KIAA1328: variants seen among roughly 807,000 people sequenced by gnomAD.
KIAA1328 encodes the protein protein hinderin.
Under a neutral mutation model 68.1 loss-of-function variants are expected in KIAA1328, and 52 were observed. That is an observed-to-expected ratio of 0.76 (90% CI 0.61 to 0.96). The LOEUF (loss-of-function observed/expected upper bound fraction) is 0.96. Ranked by LOEUF, KIAA1328 falls within the 40% of genes least tolerant of loss-of-function variation. The pLI, the probability that KIAA1328 is intolerant of heterozygous loss-of-function variation, is 0.00. For missense variants in KIAA1328, 641 were observed against 677.6 expected (o/e 0.95, Z 0.60); for synonymous variants, 232 against 239.4 (o/e 0.97, Z 0.28).
intron 7 of KIAA1328, among the ~76,000 whole-genome samples, chr18:37,089,371 C>CTTTGTTTTTTTTTTTTTTTTTT (rs2057200648): frequency 1.0e-5 from 1 of 95,300 alleles, no homozygotes; most frequent in Non-Finnish European, 2.0e-5. Flanking sequence ...AAGGTAGTGG[C>CTTTGTTTTTTTTTTTTTTTTTT]TTTTTTTTTT....
chr18:37,004,506 A>G (rs1335837873), intron 6 of KIAA1328, among the ~76,000 whole-genome samples: 1 of 152,140 alleles, frequency 6.6e-6, no homozygotes, highest in South Asian at 2.1e-4. Context: ...ATATGAAAAA[A>G]TGTTCAACAT....
intron 4 of KIAA1328, among the ~76,000 whole-genome samples, chr18:36,870,028 G>A (rs574817433): frequency 6.7e-6 from 1 of 149,938 alleles, no homozygotes; most frequent in Admixed American, 6.6e-5. Flanking sequence ...ACGTCCAGCT[G>A]ATTTTTGTAT....
intron 7 of KIAA1328, among the ~76,000 whole-genome samples, chr18:37,078,016 G>T (rs181918293): frequency 2.0e-5 from 3 of 152,114 alleles, no homozygotes; most frequent in Non-Finnish European, 4.4e-5. Context: ...AGCCCACATT[G>T]CCAAGTCAGT....
chr18:37,189,157 G>A (rs781254171), intron 9 of KIAA1328, among the ~76,000 whole-genome samples: 3 of 152,142 alleles, frequency 2.0e-5, no homozygotes, highest in Non-Finnish European at 2.9e-5. Flanking sequence ...TGGTTACTAG[G>A]ACTGTTTCAT....
At chr18:37,028,538 CT>C (rs2054690047) in intron 6 of KIAA1328, among the ~76,000 whole-genome samples, 1 of 150,850 alleles carries the variant, frequency 6.6e-6, no homozygotes, top group African/African-American at 2.4e-5. Context: ...CCTGATTGCT[CT>C]GGCTAGTGCT....
intron 7 of KIAA1328, among the ~76,000 whole-genome samples, chr18:37,149,906 C>T (rs560844291): frequency 1.1e-4 from 17 of 152,030 alleles, no homozygotes; most frequent in African/African-American, 4.1e-4. Context: ...AAAAAATTAC[C>T]AATATCAGGA....
At chr18:37,102,180 G>A (rs569632470) in intron 7 of KIAA1328, among the ~76,000 whole-genome samples, 46 of 152,274 alleles carry the variant, frequency 3.0e-4, no homozygotes, top group African/African-American at 9.6e-4. Context: ...TTTATGCCAG[G>A]AATGCAAAGA....
intron 5 of KIAA1328, among the ~76,000 whole-genome samples, chr18:36,949,437 C>A (rs760412699): frequency 6.6e-6 from 1 of 152,076 alleles, no homozygotes; most frequent in Non-Finnish European, 1.5e-5. Flanking sequence ...TTTAGGGTGT[C>A]TGGATTTAAA....
chr18:37,115,378 G>T (rs1322466397), intron 7 of KIAA1328, among the ~76,000 whole-genome samples: 2 of 150,952 alleles, frequency 1.3e-5, no homozygotes. Flanking sequence ...ATCAATAAAC[G>T]TAATCCATCA....
chr18:37,081,922 A>G (rs550003837), intron 7 of KIAA1328, among the ~76,000 whole-genome samples: 1 of 152,276 alleles, frequency 6.6e-6, no homozygotes, highest in East Asian at 1.9e-4. Context: ...GTTATTGAAT[A>G]TGTCCAAAAT....
Position 37,222,259 on chromosome 18 carries a change from G to T in KIAA1328, c.*32G>T, listed in dbSNP as rs1053707024. On this transcript the variant is annotated 3_prime_UTR_variant, in exon 10 of 10. Coordinates refer to ENST00000280020, the MANE Select transcript of KIAA1328 (RefSeq NM_020776.3). ...GCAAAATTTTCTTAGGAAATTTGTG[G>T]GTTTCCTCACATACTGATCTAGGAT... 7.1e-6 allele frequency: 11 copies of T among 1,550,304 alleles called. No individual in the cohort carries two copies. In the Admixed American group the frequency reaches 2.2e-4, roughly 30 times the overall value.
intron 6 of KIAA1328, among the ~76,000 whole-genome samples, chr18:37,040,078 T>C (rs1173822972): frequency 6.6e-6 from 1 of 152,174 alleles, no homozygotes; most frequent in African/African-American, 2.4e-5. Context: ...AAATCCTTCT[T>C]ATGCTTCAAA....
intron 4 of KIAA1328, among the ~76,000 whole-genome samples, chr18:36,876,205 CT>C (rs1274393104): frequency 2.0e-5 from 3 of 152,106 alleles, no homozygotes; most frequent in Non-Finnish European, 4.4e-5. Flanking sequence ...AGGAGTCCCT[CT>C]TTTTCTATTG....
At chr18:37,112,547 G>A (rs2057964519) in intron 7 of KIAA1328, among the ~76,000 whole-genome samples, 1 of 152,110 alleles carries the variant, frequency 6.6e-6, no homozygotes. Context: ...ACAAAGATGG[G>A]GAGAAACCAG....
In KIAA1328 at chr18:36,831,364, G is replaced by A. The variant is rs966339456; in HGVS notation, c.58+2168G>A. Among the ~76,000 whole-genome samples, 15 of 152,018 alleles carry A rather than the reference G, an allele frequency of 9.9e-5. No individual in the cohort carries two copies. In the South Asian group the frequency reaches 2.9e-3, roughly 29 times the overall value. On this transcript the variant is annotated intron_variant, in intron 1 of 9. Coordinates refer to ENST00000280020, the MANE Select transcript of KIAA1328 (RefSeq NM_020776.3). ...CTCCTGCACAGTATGATTCAGCAGT[G>A]CTGTTTTGCACAAGGAACGTTTTAG...
chr18:36,872,366 C>G (rs555720922), intron 4 of KIAA1328, among the ~76,000 whole-genome samples: 2 of 151,988 alleles, frequency 1.3e-5, no homozygotes, highest in Non-Finnish European at 2.9e-5. Flanking sequence ...TAACAAGTAT[C>G]TAGTAAAAGT....
At chr18:37,215,675 G>A (rs2060415811) in intron 9 of KIAA1328, among the ~76,000 whole-genome samples, 1 of 152,150 alleles carries the variant, frequency 6.6e-6, no homozygotes, top group Non-Finnish European at 1.5e-5. Context: ...AATGAGTTAG[G>A]GAGGATTCCC....
intron 4 of KIAA1328, among the ~76,000 whole-genome samples, chr18:36,872,847 T>G (rs556560345): frequency 3.9e-4 from 59 of 152,346 alleles, no homozygotes; most frequent in Non-Finnish European, 7.6e-4. Flanking sequence ...TATGGTGGCC[T>G]AATACATTAT....
At chr18:36,852,360 T>G (rs2047240378) in intron 4 of KIAA1328, among the ~76,000 whole-genome samples, 1 of 152,204 alleles carries the variant, frequency 6.6e-6, no homozygotes, top group South Asian at 2.1e-4. Flanking sequence ...CATGATCAAC[T>G]CAGTATACCA....
Sources: gnomAD v4.1 joint callset for allele counts (sites outside exome capture counted in the v4.1 genomes callset) on GRCh38, gnomAD v4.1.1 for gene constraint, MANE v1.5 for transcripts, NCBI Gene and HGNC (gene_info 2026-07-23, HGNC 2026-07-21) for gene names.